PAWR: variants seen among roughly 807,000 people sequenced by gnomAD.
PAWR encodes PRKC apoptosis WT1 regulator protein.
A neutral mutation model predicts 32.0 loss-of-function variants in PAWR; 23 were observed. The observed-to-expected ratio is 0.72, with a 90% confidence interval of 0.52 to 1.02. The LOEUF is 1.02. PAWR is among the 50% of genes least tolerant of loss of function. PAWR has a pLI of 0.00. For missense variants in PAWR, 457 were observed against 437.7 expected (o/e 1.04, Z -0.39); for synonymous variants, 226 against 187.1 (o/e 1.21, Z -1.70).
Position 79,690,132 on chromosome 12 carries a change from C to G in PAWR, c.113G>C (p.Gly38Ala), listed in dbSNP as rs752166330. ...GCTGCCCCCTCCCGGGGGGGCCGGGCCCGGGGGGTTCTGCTTGGCGCGCAT... is the reference window on the plus strand; with the variant it reads ...GCTGCCCCCTCCCGGGGGGGCCGGGGCCGGGGGGTTCTGCTTGGCGCGCAT... Reference protein sequence around the residue: ...EKMRAKQNPPGPAPPGGGSSD... With the variant: ...EKMRAKQNPPAPAPPGGGSSD... The change falls in exon 2 of 7, where the codon GGC becomes GCC. Residue 38 changes from glycine to alanine, a missense_variant. By Grantham distance (60) the Gly-to-Ala change is moderately conservative. Coordinates refer to ENST00000328827, the MANE Select transcript of PAWR (RefSeq NM_002583.4). 2.6e-6 allele frequency: 4 copies of G among 1,514,500 alleles called. No homozygotes were observed. The highest frequency in any genetic ancestry group is 3.5e-6 in the Non-Finnish European group (4 of 1,134,098). 93.8% of individuals were successfully genotyped at this position (1,514,500 alleles called of 1,614,324 possible). A position where few individuals can be genotyped will look rare whatever the true frequency, so the allele number is the denominator to read the frequency against.
intron 3 of PAWR, among the ~76,000 whole-genome samples, chr12:79,617,998 C>T (rs1874825485): frequency 6.6e-6 from 1 of 152,126 alleles, no homozygotes; most frequent in South Asian, 2.1e-4. Context: ...TGATGCCATG[C>T]TTGTGTAGCC....
Position 79,631,434 on chromosome 12 carries a change from A to C in PAWR, c.517-10227T>G, listed in dbSNP as rs80217528. Among the ~76,000 whole-genome samples, 1,314 of 152,344 alleles carry C rather than the reference A, an allele frequency of 8.6e-3. 13 individuals are homozygous for C. The highest frequency in any genetic ancestry group is 0.015 in the Non-Finnish European group (1,016 of 68,026). On this transcript the variant is annotated intron_variant, in intron 2 of 6. Coordinates refer to ENST00000328827, the MANE Select transcript of PAWR (RefSeq NM_002583.4). Reference sequence around the variant, plus strand: ...TATAGAATATCTTAAGGACTTATTTAAAAACAAACTACCAGAACTGACAAA... The same window carrying C: ...TATAGAATATCTTAAGGACTTATTTCAAAACAAACTACCAGAACTGACAAA...
At chr12:79,665,734 T>A (rs1003882702) in intron 2 of PAWR, among the ~76,000 whole-genome samples, 4 of 152,198 alleles carry the variant, frequency 2.6e-5, no homozygotes, top group Admixed American at 1.3e-4. Flanking sequence ...CTGGGTTGTA[T>A]CATTTATGAC....
chr12:79,624,655 G>A (rs1190510237), intron 2 of PAWR, among the ~76,000 whole-genome samples: 1 of 152,130 alleles, frequency 6.6e-6, no homozygotes, highest in Admixed American at 6.5e-5. Flanking sequence ...AAATTCTTAA[G>A]CAATCTTTTC....
At position 79,627,953 on chromosome 12, in the gene PAWR, G is replaced by A. The variant is rs554060089; in HGVS notation, c.517-6746C>T. The stretch of plus-strand genomic sequence containing the variant: ...AATTGAACTCAGCTCTGCACCAAGC[G>A]GACCTAATAGACATCTACAGAACTC... On this transcript the variant is annotated intron_variant, in intron 2 of 6. Coordinates refer to ENST00000328827, the MANE Select transcript of PAWR (RefSeq NM_002583.4). 1.8e-3 allele frequency among the ~76,000 whole-genome samples: 273 copies of A among 152,060 alleles called. 1 individual carries two copies. Among genetic ancestry groups the A allele is most frequent in the African/African-American group, 6.4e-3 (264 of 41,464 alleles).
chr12:79,648,209 A>T (rs949631553), intron 2 of PAWR, among the ~76,000 whole-genome samples: 4 of 152,206 alleles, frequency 2.6e-5, no homozygotes, highest in African/African-American at 7.2e-5. Flanking sequence ...TAAAATGACT[A>T]AAGATGACTG....
intron 2 of PAWR, among the ~76,000 whole-genome samples, chr12:79,667,541 A>G (rs1339888172): frequency 6.6e-6 from 1 of 152,224 alleles, no homozygotes; most frequent in African/African-American, 2.4e-5. Flanking sequence ...TGTAAAGATT[A>G]CAAGTTAAGA....
At chr12:79,617,033 C>A (rs1397280070) in intron 3 of PAWR, among the ~76,000 whole-genome samples, 1 of 152,120 alleles carries the variant, frequency 6.6e-6, no homozygotes, top group Non-Finnish European at 1.5e-5. Flanking sequence ...AGAGATTATA[C>A]ATTTTGAAGC....
intron 2 of PAWR, among the ~76,000 whole-genome samples, chr12:79,688,175 G>A (rs902533993): frequency 4.6e-5 from 7 of 151,102 alleles, no homozygotes; most frequent in Non-Finnish European, 7.4e-5. Flanking sequence ...TGTTTCTTAG[G>A]ATCTCACAAG....
intron 2 of PAWR, among the ~76,000 whole-genome samples, chr12:79,651,554 TG>T (rs947532049): frequency 3.9e-5 from 6 of 152,082 alleles, no homozygotes; most frequent in Non-Finnish European, 7.3e-5. Context: ...CTATCTAGTC[TG>T]GGCCACAAAA....
At chr12:79,601,453 C>A (rs1056789367) in intron 4 of PAWR, among the ~76,000 whole-genome samples, 12 of 151,980 alleles carry the variant, frequency 7.9e-5, no homozygotes. Context: ...GATCTTCCTG[C>A]GTCAGCCACC....
rs1566011212 is a variant in PAWR at position 79,632,361 on chromosome 12, A to ATAT, written c.517-11155_517-11154insATA. On this transcript the variant is annotated intron_variant, in intron 2 of 6. Coordinates refer to ENST00000328827, the MANE Select transcript of PAWR (RefSeq NM_002583.4). ...TATATATATATATATATATATATAT[A>ATAT]TTTTTTTTTTTTTTTAGACAGGGTC... Among the ~76,000 whole-genome samples the ATAT allele has an allele frequency of 4.9e-3, 100 of 20,594 alleles. 16 individuals are homozygous for ATAT. Among genetic ancestry groups the ATAT allele is most frequent in the African/African-American group, 0.029 (96 of 3,354 alleles). The allele number at this position is 20,594 out of a possible 152,430, so 13.5% of individuals were successfully genotyped here.
chr12:79,678,810 C>G (rs1331603748), intron 2 of PAWR, among the ~76,000 whole-genome samples: 1 of 151,798 alleles, frequency 6.6e-6, no homozygotes, highest in Non-Finnish European at 1.5e-5. Context: ...AGCATAATAC[C>G]ACCTCATGTT....
chr12:79,656,306 T>C (rs1045505887), intron 2 of PAWR, among the ~76,000 whole-genome samples: 6 of 152,242 alleles, frequency 3.9e-5, no homozygotes, highest in African/African-American at 1.4e-4. Flanking sequence ...AATTAGGATC[T>C]ACTATAGTGA....
chr12:79,608,239 C>A (rs1269039225), intron 4 of PAWR, among the ~76,000 whole-genome samples: 1 of 151,760 alleles, frequency 6.6e-6, no homozygotes, highest in African/African-American at 2.4e-5. Context: ...TCTTAACTGG[C>A]CATCCCCAAC....
chr12:79,636,027 T>C (rs1875945970), intron 2 of PAWR, among the ~76,000 whole-genome samples: 2 of 152,118 alleles, frequency 1.3e-5, no homozygotes, highest in African/African-American at 2.4e-5. Context: ...AATCATAGTA[T>C]TTCTTGAACA....
chr12:79,614,123 GC>G lies in PAWR; in HGVS notation c.649-515del, dbSNP rs1246613428. Among the ~76,000 whole-genome samples, 4 of 144,378 alleles carry G rather than the reference GC, an allele frequency of 2.8e-5. No individual in the cohort carries two copies. The East Asian group carries it at 8.6e-4, about 31-fold the overall frequency. 94.7% of individuals were successfully genotyped at this position (144,378 alleles called of 152,430 possible). On this transcript the variant is annotated intron_variant, in intron 3 of 6. Transcript: ENST00000328827. ...CCTCCCGGGTTCAAGTGATTCTCCTGCCTCAGCCTCCCAAGTAGCTGGGATT... is the reference window on the plus strand; with the variant it reads ...CCTCCCGGGTTCAAGTGATTCTCCTGCTCAGCCTCCCAAGTAGCTGGGATT...
chr12:79,645,647 G>C (rs1592527642), intron 2 of PAWR, among the ~76,000 whole-genome samples: 1 of 152,084 alleles, frequency 6.6e-6, no homozygotes, highest in African/African-American at 2.4e-5. Context: ...TCCTTTAACA[G>C]TACTTAGGAA....
chr12:79,644,597 T>G (rs1876482725), intron 2 of PAWR, among the ~76,000 whole-genome samples: 1 of 152,164 alleles, frequency 6.6e-6, no homozygotes, highest in Admixed American at 6.6e-5. Context: ...ACAAAAACTT[T>G]CGTCAATGAT....
Sources: allele counts gnomAD v4.1 joint callset (sites outside exome capture counted in the v4.1 genomes callset), GRCh38; gene constraint gnomAD v4.1.1; transcripts MANE v1.5; gene names NCBI Gene and HGNC (gene_info 2026-07-23, HGNC 2026-07-21).